The following PLSCR2 variants were observed in gnomAD, a reference collection of about 807,000 sequenced individuals.
PLSCR2 encodes the protein PL scramblase 2.
A neutral mutation model predicts 25.3 loss-of-function variants in PLSCR2; 18 were observed. The observed-to-expected ratio is 0.71, with a 90% CI of 0.49 to 1.06. The LOEUF (loss-of-function observed/expected upper bound fraction) is 1.06. Ranked by LOEUF, PLSCR2 falls within the 50% of genes least tolerant of loss-of-function variation. The pLI is 0.00. For synonymous variants in PLSCR2, 88 were observed against 87.3 expected (o/e 1.01, Z -0.04); for missense variants, 243 against 269.5 (o/e 0.90, Z 0.69).
chr3:146,456,376 G>C (rs756107835), intron 3 of PLSCR2, among the ~76,000 whole-genome samples: 24 of 152,050 alleles, frequency 1.6e-4, no homozygotes, highest in Non-Finnish European at 2.9e-4. Context: ...AAGAGTCTAC[G>C]GTGGGACTCA....
chr3:146,452,483 C>T (rs1416114621), intron 5 of PLSCR2, among the ~76,000 whole-genome samples: 3 of 151,976 alleles, frequency 2.0e-5, no homozygotes, highest in African/African-American at 7.2e-5. Flanking sequence ...ACTAGAGGAG[C>T]ACTATATAAT....
intron 2 of PLSCR2, among the ~76,000 whole-genome samples, chr3:146,411,064 G>T (rs921724917): frequency 1.3e-5 from 2 of 151,964 alleles, no homozygotes; most frequent in South Asian, 4.1e-4. Context: ...CATTCACACA[G>T]AATTTATAAC....
chr3:146,479,234 A>T (rs141244754), intron 1 of PLSCR2, among the ~76,000 whole-genome samples: 157 of 152,308 alleles, frequency 1.0e-3, no homozygotes, highest in African/African-American at 3.7e-3. Context: ...TCAAATTCAC[A>T]CATAACAATA....
chr3:146,449,513 A>T, intron 5 of PLSCR2, 146 bp from the exon 6 acceptor site: 1 of 492,382 alleles, frequency 2.0e-6, no homozygotes, highest in Non-Finnish European at 3.5e-6. Context: ...TATTAGATGC[A>T]TATAGGCTCC....
upstream of PLSCR2, chr3:146,461,846 A>C (rs767773221): frequency 2.9e-6 from 3 of 1,037,382 alleles, no homozygotes; most frequent in South Asian, 4.1e-5. Flanking sequence ...GAGGAATTTA[A>C]GCAGAAGAGT....
At chr3:146,473,439 G>A (rs992339445) in intron 1 of PLSCR2, among the ~76,000 whole-genome samples, 3 of 151,100 alleles carry the variant, frequency 2.0e-5, no homozygotes, top group Non-Finnish European at 4.4e-5. Context: ...TCCCATAGTT[G>A]GGATAACAGG....
At chr3:146,422,253 G>T (rs1044186149) in intron 2 of PLSCR2, among the ~76,000 whole-genome samples, 1 of 152,062 alleles carries the variant, frequency 6.6e-6, no homozygotes, top group Admixed American at 6.6e-5. Flanking sequence ...TGCAGGAATT[G>T]CTTGATAATT....
chr3:146,495,880 C>T, intron 1 of PLSCR2: 1 of 1,532,258 alleles, frequency 6.5e-7, no homozygotes, highest in Non-Finnish European at 8.7e-7. Context: ...CTGGAAACTA[C>T]ATGTCATTGG....
At chr3:146,450,841 G>A (rs1050456258) in intron 5 of PLSCR2, among the ~76,000 whole-genome samples, 9 of 151,736 alleles carry the variant, frequency 5.9e-5, no homozygotes, top group African/African-American at 1.9e-4. Context: ...GCTATAGCAA[G>A]AAATTAAAAA....
chr3:146,471,524 G>C (rs1278127593), intron 1 of PLSCR2, among the ~76,000 whole-genome samples: 1 of 149,324 alleles, frequency 6.7e-6, no homozygotes, highest in Non-Finnish European at 1.5e-5. Flanking sequence ...TGATTTGTTA[G>C]TGGTCTTTAT....
intron 1 of PLSCR2, among the ~76,000 whole-genome samples, chr3:146,480,730 T>G (rs184802810): frequency 8.5e-5 from 13 of 152,320 alleles, no homozygotes; most frequent in African/African-American, 2.9e-4. Context: ...CTAACTCATT[T>G]TATAAGGCCA....
Position 146,495,167 on chromosome 3 carries a change from G to A in PLSCR2, c.-293+728C>T, listed in dbSNP as rs142171043. On this transcript the variant is annotated intron_variant, in intron 1 of 8. Coordinates refer to the PLSCR2 transcript ENST00000336685. Reference sequence around the variant, plus strand: ...ATACATGGTGATTTTCAAGTTAGATGTAAGATGAAGTTGGAGGCTTTGTTA... The same window carrying A: ...ATACATGGTGATTTTCAAGTTAGATATAAGATGAAGTTGGAGGCTTTGTTA... The A allele has an allele frequency of 2.4e-4, 37 of 152,272 alleles. No homozygotes were observed. In the East Asian group the frequency reaches 7.0e-3, roughly 29 times the overall value. The allele number at this position is 152,272 out of a possible 1,614,324, so 9.4% of individuals were successfully genotyped here.
intron 1 of PLSCR2, chr3:146,495,829 T>C: frequency 1.6e-6 from 2 of 1,233,684 alleles, no homozygotes; most frequent in Non-Finnish European, 2.3e-6. Flanking sequence ...AAAGGGAGTA[T>C]GTAGTAGTTA....
rs994653448 is a variant in PLSCR2, at chr3:146,410,920, G to A, written c.101-14999C>T. 2.6e-5 allele frequency among the ~76,000 whole-genome samples: 4 copies of A among 152,224 alleles called. 1 individual carries two copies. The Middle Eastern group carries it at 0.01, about 388-fold the overall frequency. Reference sequence around the variant, plus strand: ...AAACCCCCGGCTCAGATCAAGCTATGCCCGATGCTGCCTTAAGCCTTATGA... The same window carrying A: ...AAACCCCCGGCTCAGATCAAGCTATACCCGATGCTGCCTTAAGCCTTATGA... On this transcript the variant is annotated intron_variant and NMD_transcript_variant, in intron 2 of 3. Transcript: ENST00000463633.
chr3:146,477,638 T>C (rs1240919002), intron 1 of PLSCR2, among the ~76,000 whole-genome samples: 2 of 152,164 alleles, frequency 1.3e-5, no homozygotes, highest in Non-Finnish European at 2.9e-5. Flanking sequence ...CCTCTATAGA[T>C]TTCACCTTTG....
intron 6 of PLSCR2, among the ~76,000 whole-genome samples, chr3:146,446,966 C>T (rs762961810): frequency 4.6e-5 from 7 of 152,318 alleles, no homozygotes; most frequent in Admixed American, 2.6e-4. Context: ...TACTGTTTAG[C>T]TACCATTGAT....
chr3:146,461,638 G>A (rs2041579513), upstream of PLSCR2, among the ~76,000 whole-genome samples: 8 of 152,154 alleles, frequency 5.3e-5, 1 homozygote, highest in South Asian at 1.7e-3. Flanking sequence ...ACGATCTACC[G>A]AGAAATGCTA....
chr3:146,462,046 T>C (rs2041608345), upstream of PLSCR2: 1 of 595,192 alleles, frequency 1.7e-6, no homozygotes, highest in South Asian at 2.6e-5. Flanking sequence ...TTACTTTTAT[T>C]GTTCATGGAT....
At chr3:146,474,337 A>G (rs1327308908) in intron 1 of PLSCR2, among the ~76,000 whole-genome samples, 2 of 152,198 alleles carry the variant, frequency 1.3e-5, no homozygotes, top group South Asian at 2.1e-4. Context: ...CAAGGGGGAA[A>G]AGGTATAACA....
Sources: allele counts gnomAD v4.1 joint callset (sites outside exome capture counted in the v4.1 genomes callset), GRCh38; gene constraint gnomAD v4.1.1; transcripts MANE v1.5; gene names NCBI Gene and HGNC (gene_info 2026-07-23, HGNC 2026-07-21).